ZNF148: variants seen among roughly 807,000 people sequenced by gnomAD.
ZNF148 encodes the protein zinc finger protein 148, also known as Beta-Enolase Repressor Factor-1.
In ZNF148, 7 loss-of-function variants were observed where a neutral mutation model predicts 67.7. The ratio of observed to expected loss-of-function variants is 0.10; its 90% CI spans 0.06 to 0.19. The LOEUF is 0.19. ZNF148 is among the 10% of genes least tolerant of loss of function. The pLI, the probability that ZNF148 is intolerant of heterozygous loss-of-function variation, is 1.00. For missense variants in ZNF148, 583 were observed against 947.1 expected (o/e 0.62, Z 5.05); for synonymous variants, 333 against 330.7 (o/e 1.01, Z -0.08).
At chr3:125,261,099 C>T (rs1937314944) in intron 7 of ZNF148, among the ~76,000 whole-genome samples, 1 of 152,152 alleles carries the variant, frequency 6.6e-6, no homozygotes, top group South Asian at 2.1e-4. Context: ...TTTAAAAGGG[C>T]CACAAAGTAA....
intron 4 of ZNF148, among the ~76,000 whole-genome samples, 194 bp downstream of exon 4, chr3:125,313,114 T>A (rs540321937): frequency 4.5e-4 from 68 of 152,268 alleles, no homozygotes; most frequent in African/African-American, 1.6e-3. Flanking sequence ...CTGAAAGAAA[T>A]AAGCTTCTAA....
At chr3:125,234,077 T>C in intron 8 of ZNF148, 134 bp downstream of exon 8, 6 of 1,274,158 alleles carry the variant, frequency 4.7e-6, no homozygotes, top group Non-Finnish European at 5.3e-6. Flanking sequence ...ACTGAGCCAA[T>C]TTTCTATTAT....
At chr3:125,325,420 C>G (rs1388152122) in intron 2 of ZNF148, among the ~76,000 whole-genome samples, 1 of 150,446 alleles carries the variant, frequency 6.6e-6, no homozygotes, top group Non-Finnish European at 1.5e-5. Flanking sequence ...AGAGAAAGAG[C>G]AGAAAAAAAA....
intron 7 of ZNF148, among the ~76,000 whole-genome samples, chr3:125,238,447 G>A (rs955584563): frequency 6.6e-6 from 1 of 152,004 alleles, no homozygotes; most frequent in Non-Finnish European, 1.5e-5. Context: ...GGCCAACATG[G>A]TGAAACCCTG....
At chr3:125,314,942 G>C (rs1239534499) in intron 3 of ZNF148, 3 of 152,428 alleles carry the variant, frequency 2.0e-5, no homozygotes, top group Non-Finnish European at 2.9e-5. Context: ...CGCACCTGTG[G>C]TCCCAGCTAC....
intron 3 of ZNF148, among the ~76,000 whole-genome samples, chr3:125,322,184 C>A (rs905228100): frequency 2.6e-5 from 4 of 151,914 alleles, no homozygotes; most frequent in African/African-American, 9.7e-5. Context: ...GGCCCACCAC[C>A]TCGCACGGCT....
chr3:125,265,682 A>G (rs1937517435), intron 7 of ZNF148, among the ~76,000 whole-genome samples: 1 of 152,172 alleles, frequency 6.6e-6, no homozygotes, highest in South Asian at 2.1e-4. Flanking sequence ...ACCATATATG[A>G]TTGATTTTTA....
At chr3:125,371,840 A>ACG (rs1942898894) in intron 1 of ZNF148, among the ~76,000 whole-genome samples, 2 of 151,906 alleles carry the variant, frequency 1.3e-5, no homozygotes, top group Non-Finnish European at 2.9e-5. Flanking sequence ...GGAGGCGGGT[A>ACG]GATCACGAGG....
intron 1 of ZNF148, among the ~76,000 whole-genome samples, chr3:125,362,301 T>G (rs975080338): frequency 2.6e-5 from 4 of 152,070 alleles, no homozygotes; most frequent in East Asian, 3.8e-4. Context: ...TCTAAAATGC[T>G]GTAACTTCAT....
intron 1 of ZNF148, among the ~76,000 whole-genome samples, chr3:125,354,997 T>C (rs933685710): frequency 6.6e-6 from 1 of 152,186 alleles, no homozygotes; most frequent in Non-Finnish European, 1.5e-5. Flanking sequence ...AACTAAGAAG[T>C]AGAGGTAATA....
At chr3:125,267,983 C>T (rs922365000) in intron 7 of ZNF148, among the ~76,000 whole-genome samples, 2 of 151,676 alleles carry the variant, frequency 1.3e-5, no homozygotes, top group African/African-American at 4.8e-5. Context: ...ACACACATAC[C>T]CATACCCTAG....
intron 4 of ZNF148, among the ~76,000 whole-genome samples, chr3:125,301,260 C>T (rs1939572863): frequency 6.6e-6 from 1 of 152,150 alleles, no homozygotes; most frequent in Admixed American, 6.5e-5. Context: ...GCCTGTAATC[C>T]CAGCAGGATC....
intron 1 of ZNF148, among the ~76,000 whole-genome samples, chr3:125,365,710 C>T (rs1407590538): frequency 6.6e-6 from 1 of 152,092 alleles, no homozygotes; most frequent in African/African-American, 2.4e-5. Flanking sequence ...CCCAGGTACT[C>T]GGAAGGCTGA....
At chr3:125,319,005 A>AC (rs1273674240) in intron 3 of ZNF148, among the ~76,000 whole-genome samples, 2 of 149,642 alleles carry the variant, frequency 1.3e-5, no homozygotes, top group East Asian at 2.0e-4. Context: ...CCCACTCCCA[A>AC]CCCCCCCACA....
rs952812031 is a variant in ZNF148, at chr3:125,229,703, T to C, written c.*2638A>G. 1.3e-5 allele frequency: 2 copies of C among 152,096 alleles called. No individual in the cohort carries two copies. The highest frequency in any genetic ancestry group is 2.9e-5 in the Non-Finnish European group (2 of 68,006). 9.4% of individuals were successfully genotyped at this position (152,096 alleles called of 1,614,324 possible). ...CACTTTGAGAAATGAGAAACATGAATTGCAGAAGAATATCTCATATCCTCC... is the reference window on the plus strand; with the variant it reads ...CACTTTGAGAAATGAGAAACATGAACTGCAGAAGAATATCTCATATCCTCC... On this transcript the variant is annotated 3_prime_UTR_variant, in exon 9 of 9. Coordinates refer to ENST00000360647, the MANE Select transcript of ZNF148 (RefSeq NM_021964.3).
rs1403708931 is a variant in ZNF148 at position 125,306,338 on chromosome 3, G to A, written c.333+6970C>T. ...AAAGTTAAAGTGAATAGTGAAAATCGATAAAACCGAAACTTCACTATTTGA... is the reference window on the plus strand; with the variant it reads ...AAAGTTAAAGTGAATAGTGAAAATCAATAAAACCGAAACTTCACTATTTGA... On this transcript the variant is annotated intron_variant, in intron 4 of 8. Coordinates refer to ENST00000360647, the MANE Select transcript of ZNF148 (RefSeq NM_021964.3). Among the ~76,000 whole-genome samples, 3 of 152,026 alleles carry A rather than the reference G, an allele frequency of 2.0e-5. 1 individual carries two copies. Among genetic ancestry groups the A allele is most frequent in the South Asian group, 4.1e-4 (2 of 4,824 alleles).
At chr3:125,306,860 T>G (rs567649607) in intron 4 of ZNF148, among the ~76,000 whole-genome samples, 1 of 152,168 alleles carries the variant, frequency 6.6e-6, no homozygotes, top group African/African-American at 2.4e-5. Context: ...GAGCAAGACC[T>G]TGTCTCCAAA....
intron 1 of ZNF148, among the ~76,000 whole-genome samples, chr3:125,372,174 G>T: frequency 6.6e-6 from 1 of 151,914 alleles, no homozygotes; most frequent in Non-Finnish European, 1.5e-5. Flanking sequence ...ACACTGCAAA[G>T]ATGGTTCCTA....
At chr3:125,345,304 A>G (rs950593767) in intron 1 of ZNF148, among the ~76,000 whole-genome samples, 1 of 152,198 alleles carries the variant, frequency 6.6e-6, no homozygotes, top group African/African-American at 2.4e-5. Context: ...GGATGAAAAC[A>G]GAAGTCTCAA....
Sources: allele counts gnomAD v4.1 joint callset (sites outside exome capture counted in the v4.1 genomes callset), GRCh38; gene constraint gnomAD v4.1.1; transcripts MANE v1.5; gene names NCBI Gene and HGNC (gene_info 2026-07-23, HGNC 2026-07-21).